Variants in MACROD2 observed in about 807,000 individuals in gnomAD.
MACROD2 encodes mono-ADP ribosylhydrolase 2.
In MACROD2, 36 loss-of-function variants were observed where a neutral mutation model predicts 70.4. That is an observed-to-expected ratio of 0.51 (90% confidence interval 0.39 to 0.68). The LOEUF (loss-of-function observed/expected upper bound fraction) is 0.68, where lower values mean the gene tolerates loss of function less well. Ranked by LOEUF, MACROD2 falls within the 30% of genes least tolerant of loss-of-function variation. The pLI, the probability that MACROD2 is intolerant of heterozygous loss-of-function variation, is 0.00. For synonymous variants in MACROD2, 172 were observed against 178.8 expected (o/e 0.96, Z 0.30); for missense variants, 496 against 538.4 (o/e 0.92, Z 0.78).
intron 6 of MACROD2, among the ~76,000 whole-genome samples, chr20:15,360,394 T>C (rs1340867029): frequency 1.3e-5 from 2 of 152,168 alleles, no homozygotes; most frequent in Non-Finnish European, 2.9e-5. Flanking sequence ...AATCATGTGA[T>C]TGCTGTAACA....
intron 8 of MACROD2, among the ~76,000 whole-genome samples, chr20:15,662,382 C>T (rs936763961): frequency 1.3e-5 from 2 of 151,606 alleles, no homozygotes; most frequent in Non-Finnish European, 2.9e-5. Context: ...GGGATTAGGT[C>T]TTTTTTTTTC....
chr20:15,769,918 TCAA>T (rs2147014196), intron 8 of MACROD2, among the ~76,000 whole-genome samples: 1 of 152,202 alleles, frequency 6.6e-6, no homozygotes, highest in African/African-American at 2.4e-5. Context: ...TGTATTTTCA[TCAA>T]CAACTGGCTC....
intron 4 of MACROD2, among the ~76,000 whole-genome samples, chr20:14,532,458 C>T (rs1428353979): frequency 4.0e-5 from 6 of 151,474 alleles, no homozygotes; most frequent in Non-Finnish European, 7.4e-5. Flanking sequence ...CTCCTGACCT[C>T]GTGATCCGCA....
At chr20:14,912,941 A>G (rs2074045657) in intron 5 of MACROD2, among the ~76,000 whole-genome samples, 1 of 152,164 alleles carries the variant, frequency 6.6e-6, no homozygotes, top group East Asian at 1.9e-4. Flanking sequence ...TTGGGCTTGC[A>G]GTTGGCTCAT....
chr20:15,168,703 C>T (rs2076403294), intron 5 of MACROD2, among the ~76,000 whole-genome samples: 1 of 151,920 alleles, frequency 6.6e-6, no homozygotes, highest in Non-Finnish European at 1.5e-5. Flanking sequence ...AAGAATGAGC[C>T]AGGTGTGATA....
At chr20:14,107,875 C>T (rs2054392055) in intron 3 of MACROD2, among the ~76,000 whole-genome samples, 2 of 152,004 alleles carry the variant, frequency 1.3e-5, no homozygotes, top group African/African-American at 4.8e-5. Flanking sequence ...ACAAGAAATC[C>T]TAAAGGGAGT....
intron 6 of MACROD2, among the ~76,000 whole-genome samples, chr20:15,315,060 G>A (rs1209053347): frequency 5.9e-5 from 9 of 152,148 alleles, no homozygotes; most frequent in Non-Finnish European, 1.3e-4. Context: ...ATTCAAGTAG[G>A]TAGAAGAAAG....
intron 5 of MACROD2, among the ~76,000 whole-genome samples, chr20:15,138,141 A>T (rs1202691477): frequency 6.6e-6 from 1 of 152,146 alleles, no homozygotes; most frequent in Admixed American, 6.6e-5. Context: ...ACTTCTGTAG[A>T]GAGTTTTTGC....
chr20:14,329,806 C>T lies in MACROD2; in HGVS notation c.272-163673C>T, dbSNP rs1386133826. On this transcript the variant is annotated intron_variant, in intron 3 of 17. Coordinates refer to ENST00000684519, the MANE Select transcript of MACROD2 (RefSeq NM_001351661.2). ...AGAGTTGAAAAGACTATTTTAAAAGCTTTTCTTTTGATTTGCTTAGTGCCC... is the reference window on the plus strand; with the variant it reads ...AGAGTTGAAAAGACTATTTTAAAAGTTTTTCTTTTGATTTGCTTAGTGCCC... Among the ~76,000 whole-genome samples, 8 of 152,032 alleles carry T rather than the reference C, an allele frequency of 5.3e-5. No individual in the cohort carries two copies. The East Asian group carries it at 1.5e-3, about 29-fold the overall frequency.
At chr20:15,411,345 C>T (rs954808223) in intron 6 of MACROD2, among the ~76,000 whole-genome samples, 5 of 152,030 alleles carry the variant, frequency 3.3e-5, no homozygotes, top group Non-Finnish European at 7.4e-5. Flanking sequence ...TCTGCTTTTA[C>T]TGAAATGGCT....
At chr20:14,681,952 A>G (rs1600533755) in intron 4 of MACROD2, among the ~76,000 whole-genome samples, 2 of 151,968 alleles carry the variant, frequency 1.3e-5, no homozygotes, top group South Asian at 4.2e-4. Context: ...TGGAGATGAT[A>G]AAATTAATAT....
chr20:14,880,352 C>G (rs2073597059), intron 5 of MACROD2, among the ~76,000 whole-genome samples: 1 of 152,190 alleles, frequency 6.6e-6, no homozygotes, highest in Non-Finnish European at 1.5e-5. Flanking sequence ...TGTTTTTCTA[C>G]TCTTTACATT....
At chr20:14,111,765 T>C (rs540475295) in intron 3 of MACROD2, among the ~76,000 whole-genome samples, 1 of 152,178 alleles carries the variant, frequency 6.6e-6, no homozygotes, top group South Asian at 2.1e-4. Flanking sequence ...TTGATGGGAA[T>C]GTAAGCTAGT....
chr20:15,022,213 A>G (rs183813293), intron 5 of MACROD2, among the ~76,000 whole-genome samples: 3 of 152,162 alleles, frequency 2.0e-5, no homozygotes, highest in African/African-American at 7.2e-5. Context: ...TGTATACAAC[A>G]TTGGTTGTAT....
chr20:14,684,919 A>C lies in MACROD2; in HGVS notation c.378A>C (p.Gly126=). Residue 126 remains glycine (G), a synonymous_variant, in exon 5 of 18, where the codon GGA becomes GGC. Transcript: ENST00000684519. ...GTAACCTGAATGGCTGTGATACTGG[A>C]CATGCAAAAATCACATGTGGCTATG... ...ECRNLNGCDT[G]HAKITCGYDL... is the part of the protein sequence containing the mutation. 6.2e-7 allele frequency: 1 copy of C among 1,614,012 alleles called. No individual in the cohort carries two copies. Among genetic ancestry groups the C allele is most frequent in the South Asian group, 1.1e-5 (1 of 91,086 alleles).
chr20:15,018,688 A>G (rs2075140660), intron 5 of MACROD2, among the ~76,000 whole-genome samples: 1 of 151,894 alleles, frequency 6.6e-6, no homozygotes, highest in African/African-American at 2.4e-5. Context: ...TCTCCTTTTC[A>G]CGTTTTTCTG....
At chr20:15,646,035 G>C (rs1042178830) in intron 8 of MACROD2, among the ~76,000 whole-genome samples, 3 of 151,906 alleles carry the variant, frequency 2.0e-5, no homozygotes, top group African/African-American at 7.3e-5. Flanking sequence ...AATTGTACTG[G>C]TTCCACACTG....
At chr20:15,889,219 T>C (rs2064858856) in intron 10 of MACROD2, among the ~76,000 whole-genome samples, 1 of 152,106 alleles carries the variant, frequency 6.6e-6, no homozygotes, top group African/African-American at 2.4e-5. Context: ...GGTCAATGAA[T>C]AGGAGAGCTA....
At chr20:15,567,101 G>GTT (rs760245453) in intron 8 of MACROD2, among the ~76,000 whole-genome samples, 1 of 149,424 alleles carries the variant, frequency 6.7e-6, no homozygotes, top group Admixed American at 6.6e-5. Context: ...CTATTGTGGG[G>GTT]TTTTTTTTTT....
Sources: allele counts gnomAD v4.1 joint callset (sites outside exome capture counted in the v4.1 genomes callset), GRCh38; gene constraint gnomAD v4.1.1; transcripts MANE v1.5; gene names NCBI Gene and HGNC (gene_info 2026-07-23, HGNC 2026-07-21).